The following DOCK1 variants were observed in gnomAD, a reference collection of about 807,000 sequenced individuals.
The protein encoded by DOCK1 is dedicator of cytokinesis protein 1.
DOCK1 carries 138 observed loss-of-function variants against 262.7 expected under a neutral mutation model. The observed-to-expected ratio is 0.53, with a 90% CI of 0.46 to 0.61. The LOEUF (loss-of-function observed/expected upper bound fraction) is 0.61. DOCK1 is among the 20% of genes least tolerant of loss of function. The pLI, the probability that DOCK1 is intolerant of heterozygous loss-of-function variation, is 0.00. For missense variants in DOCK1, 1,908 were observed against 2,370.7 expected (o/e 0.80, Z 4.05); for synonymous variants, 866 against 867.4 (o/e 1.00, Z 0.03).
rs912479825 is a variant in DOCK1, at chr10:126,995,401, G to T, written c.474-1347G>T. Among the ~76,000 whole-genome samples, 1 of 152,240 alleles carries T rather than the reference G, an allele frequency of 6.6e-6. No homozygotes were observed. Among genetic ancestry groups the T allele is most frequent in the African/African-American group, 2.4e-5 (1 of 41,470 alleles). On this transcript the variant is annotated intron_variant, in intron 6 of 51. Transcript: ENST00000623213. The surrounding 1 kb of genome is among the most constrained non-coding windows in gnomAD (Gnocchi z 5.8). Reference sequence around the variant, plus strand: ...TGTCTGCAATCCCAGCACCTCGGGAGGCTGAGGCTGGCAGATCACTCACGG... The same window carrying T: ...TGTCTGCAATCCCAGCACCTCGGGATGCTGAGGCTGGCAGATCACTCACGG...
chr10:127,178,177 G>A (rs1287586553), intron 27 of DOCK1, among the ~76,000 whole-genome samples: 1 of 152,262 alleles, frequency 6.6e-6, no homozygotes, highest in Non-Finnish European at 1.5e-5. Flanking sequence ...TCTCAGGCCA[G>A]CCTGGTCTTG....
In DOCK1 at chr10:127,175,906, C is replaced by T. The variant is rs755851502; in HGVS notation, c.2847+48142C>T. On this transcript the variant is annotated intron_variant, in intron 27 of 51. Transcript: ENST00000623213. This position sits in a 1 kb window ranked among gnomAD's most constrained non-coding sequence, Gnocchi z 6.3. ...GCTGTGGTCTTGTGCACCCGCCCCG[C>T]GCCACATGGCCGGGCCTCCTCCATG... 79 of 1,614,052 alleles carry T rather than the reference C, an allele frequency of 4.9e-5. No individual in the cohort carries two copies. The highest frequency in any genetic ancestry group is 6.2e-5 in the Non-Finnish European group (73 of 1,180,048).
At chr10:127,335,802 C>T (rs1238863072) in intron 29 of DOCK1, among the ~76,000 whole-genome samples, 4 of 152,012 alleles carry the variant, frequency 2.6e-5, no homozygotes, top group Non-Finnish European at 5.9e-5. Flanking sequence ...GCAAGCTCCA[C>T]CTCCCAGGTT....
chr10:127,161,049 T>C (rs773503016), intron 27 of DOCK1, among the ~76,000 whole-genome samples: 9 of 152,220 alleles, frequency 5.9e-5, no homozygotes, highest in Non-Finnish European at 1.3e-4. Flanking sequence ...TTTCAGTGAT[T>C]CCCTCCTATG....
intron 27 of DOCK1, among the ~76,000 whole-genome samples, chr10:127,172,252 A>T (rs942595589): frequency 2.0e-5 from 3 of 152,126 alleles, no homozygotes; most frequent in African/African-American, 7.2e-5. Flanking sequence ...AGTGGAGCAG[A>T]GTGTTACATT....
At chr10:127,068,747 A>G (rs530405475) in intron 23 of DOCK1, among the ~76,000 whole-genome samples, 1 of 152,204 alleles carries the variant, frequency 6.6e-6, no homozygotes, top group African/African-American at 2.4e-5. Context: ...ACCCACACCT[A>G]TATATACACA....
rs770313952 is a variant in DOCK1, at chr10:126,987,577, C to A, written c.284C>A (p.Thr95Lys). 2.1e-5 allele frequency: 33 copies of A among 1,574,590 alleles called. No homozygotes were observed. The highest frequency in any genetic ancestry group is 3.3e-4 in the Middle Eastern group (2 of 6,054). The change falls in exon 5 of 52, where the codon ACA (threonine) becomes AAA (lysine). Residue 95 changes from threonine (T) to lysine (K), a missense_variant. Coordinates refer to ENST00000623213, the MANE Select transcript of DOCK1 (RefSeq NM_001290223.2). Reference sequence around the variant, plus strand: ...CCCCTCATCCAGGAAGTCACCACGACACTCCGAGAGTGGTCCACCATCTGG... The same window carrying A: ...CCCCTCATCCAGGAAGTCACCACGAAACTCCGAGAGTGGTCCACCATCTGG... ...DLPLIQEVTT[T>K]LREWSTIWRQ... is the part of the protein sequence containing the mutation.
chr10:127,047,925 A>G (rs1011231135), intron 21 of DOCK1, among the ~76,000 whole-genome samples: 1 of 152,220 alleles, frequency 6.6e-6, no homozygotes, highest in Non-Finnish European at 1.5e-5. Flanking sequence ...GTTGATGGAT[A>G]CATGAAGTGT....
intron 27 of DOCK1, among the ~76,000 whole-genome samples, chr10:127,225,195 C>T (rs1394536308): frequency 3.9e-5 from 6 of 152,134 alleles, no homozygotes; most frequent in African/African-American, 1.2e-4. Flanking sequence ...ATTACTAAGG[C>T]GCATGTAATT....
chr10:127,007,197 G>A (rs1270924078), intron 10 of DOCK1, among the ~76,000 whole-genome samples: 1 of 152,118 alleles, frequency 6.6e-6, no homozygotes, highest in Non-Finnish European at 1.5e-5. Flanking sequence ...GAGGCCCCTT[G>A]GTTGAGTGGA....
intron 29 of DOCK1, among the ~76,000 whole-genome samples, chr10:127,280,032 ATAATT>A (rs1347294244): frequency 0.049 from 6,422 of 130,282 alleles, 85 homozygotes; most frequent in Non-Finnish European, 0.072. Flanking sequence ...ATATATATAT[ATAATT>A]TTTTTTTTTT....
intron 18 of DOCK1, among the ~76,000 whole-genome samples, chr10:127,036,577 T>C (rs942527132): frequency 3.9e-5 from 6 of 152,182 alleles, no homozygotes; most frequent in Non-Finnish European, 1.5e-5. Context: ...ACTTTGTTAA[T>C]GGTATTTTTT....
intron 9 of DOCK1, among the ~76,000 whole-genome samples, chr10:126,999,817 A>C (rs1000209715): frequency 6.6e-6 from 1 of 152,144 alleles, no homozygotes; most frequent in Admixed American, 6.5e-5. Flanking sequence ...CTGGGATTAC[A>C]GGCATGCACC....
intron 38 of DOCK1, among the ~76,000 whole-genome samples, chr10:127,402,481 C>G (rs2067278590): frequency 6.6e-6 from 1 of 152,162 alleles, no homozygotes; most frequent in Non-Finnish European, 1.5e-5. Flanking sequence ...CAAAGTTCCC[C>G]CTTTTCAAAA....
chr10:127,012,096 C>A lies in DOCK1; in HGVS notation c.1059-136C>A. 1 of 623,172 alleles carries A rather than the reference C, an allele frequency of 1.6e-6. No homozygotes were observed. The highest frequency in any genetic ancestry group is 2.0e-5 in the South Asian group (1 of 50,954). 38.6% of individuals were successfully genotyped at this position (623,172 alleles called of 1,614,324 possible). ...TGTTTCTCTTGTCACCTCTCCCATC[C>A]TTTGTCGTGCGTTGACTCATGATGC... On this transcript the variant is annotated intron_variant, in intron 11 of 51. Transcript: ENST00000623213. The surrounding 1 kb of genome is among the most constrained non-coding windows in gnomAD (Gnocchi z 4.0).
chr10:127,264,084 C>T (rs1462556672), intron 29 of DOCK1, among the ~76,000 whole-genome samples: 1 of 152,162 alleles, frequency 6.6e-6, no homozygotes, highest in Non-Finnish European at 1.5e-5. Flanking sequence ...ATGTAATTTT[C>T]CCTATTTTGG....
At chr10:127,002,940 C>T (rs1353184982) in intron 10 of DOCK1, among the ~76,000 whole-genome samples, 1 of 152,244 alleles carries the variant, frequency 6.6e-6, no homozygotes, top group Admixed American at 6.5e-5. Flanking sequence ...GTGAATTTTC[C>T]AGAGTGTGGC....
chr10:127,116,200 G>A (rs559835711), intron 25 of DOCK1, among the ~76,000 whole-genome samples: 5 of 152,102 alleles, frequency 3.3e-5, no homozygotes, highest in Non-Finnish European at 7.4e-5. Context: ...TGGCTCTCCT[G>A]GGGCTCCTCC....
intron 22 of DOCK1, among the ~76,000 whole-genome samples, chr10:127,059,841 G>A (rs1344549990): frequency 6.6e-6 from 1 of 152,124 alleles, no homozygotes; most frequent in African/African-American, 2.4e-5. Flanking sequence ...TTTCTGCTGA[G>A]TTTAATAATT....
Sources: allele counts gnomAD v4.1 joint callset (sites outside exome capture counted in the v4.1 genomes callset), GRCh38; gene constraint gnomAD v4.1.1; non-coding constraint Gnocchi (gnomAD v3.1); transcripts MANE v1.5; gene names NCBI Gene and HGNC (gene_info 2026-07-23, HGNC 2026-07-21).